ASTN2: variants seen among roughly 807,000 people sequenced by gnomAD.
The protein encoded by ASTN2 is astrotactin 2, also known as astrotactin-2.
Under a neutral mutation model 139.8 loss-of-function variants are expected in ASTN2, and 54 were observed. The observed-to-expected ratio is 0.39, with a 90% CI of 0.31 to 0.48. The LOEUF is 0.48. Ranked by LOEUF, ASTN2 falls within the 20% of genes least tolerant of loss-of-function variation. The pLI is 0.95. For missense variants in ASTN2, 1,565 were observed against 1,725.1 expected, an observed-to-expected ratio of 0.91 and a Z score of 1.64; for synonymous variants, 756 against 719.5, an observed-to-expected ratio of 1.05 and a Z score of -0.81.
Position 117,115,669 on chromosome 9 carries a change from G to A in ASTN2, c.1169-19518C>T, listed in dbSNP as rs180906842. Among the ~76,000 whole-genome samples, 16 of 152,184 alleles carry A rather than the reference G, an allele frequency of 1.1e-4. No homozygotes were observed. In the East Asian group the frequency reaches 1.4e-3, roughly 13 times the overall value. Reference sequence around the variant, plus strand: ...AAATATTGATTTGTTTACTCAACACGTTGTTTGAATGCCTACTACATATTA... The same window carrying A: ...AAATATTGATTTGTTTACTCAACACATTGTTTGAATGCCTACTACATATTA... On this transcript the variant is annotated intron_variant, in intron 4 of 22. Transcript: ENST00000313400.
At chr9:116,773,085 A>AAT (rs1554744485) in intron 13 of ASTN2, among the ~76,000 whole-genome samples, 1 of 143,558 alleles carries the variant, frequency 7.0e-6, no homozygotes, top group Non-Finnish European at 1.5e-5. Flanking sequence ...CCTCCATCCT[A>AAT]TTTTTTTTTT....
At chr9:117,098,744 G>A (rs535071966) in intron 4 of ASTN2, among the ~76,000 whole-genome samples, 2 of 151,030 alleles carry the variant, frequency 1.3e-5, no homozygotes, top group Non-Finnish European at 2.9e-5. Context: ...AAGCCAGTAG[G>A]GCTTTTAAAA....
chr9:117,140,455 G>T (rs77744288), intron 4 of ASTN2, among the ~76,000 whole-genome samples: 30 of 149,854 alleles, frequency 2.0e-4, no homozygotes, highest in Non-Finnish European at 4.2e-4. Context: ...TGAGTAGATA[G>T]AAAAAAAAAT....
intron 11 of ASTN2, among the ~76,000 whole-genome samples, chr9:116,861,036 A>G (rs1398099490): frequency 6.6e-6 from 1 of 152,132 alleles, no homozygotes; most frequent in African/African-American, 2.4e-5. Flanking sequence ...ACATCCATTG[A>G]ACCTTGAAGT....
At chr9:117,218,357 T>C (rs1832401965) in intron 2 of ASTN2, among the ~76,000 whole-genome samples, 1 of 152,222 alleles carries the variant, frequency 6.6e-6, no homozygotes, top group African/African-American at 2.4e-5. Context: ...GAACTCAGCT[T>C]CCATCACCTC....
chr9:116,867,745 T>C lies in ASTN2; in HGVS notation c.1890-4012A>G, dbSNP rs900725930. On this transcript the variant is annotated intron_variant, in intron 10 of 22. Transcript: ENST00000313400. ...TAAAAGGATTGATTCTGCATAAACA[T>C]CAGTTACATGAGGGGAACATTACTT... Among the ~76,000 whole-genome samples, 7 of 151,928 alleles carry C rather than the reference T, an allele frequency of 4.6e-5. No individual in the cohort carries two copies. In the East Asian group the frequency reaches 1.2e-3, roughly 25 times the overall value.
At chr9:117,124,354 A>G (rs925572963) in intron 4 of ASTN2, among the ~76,000 whole-genome samples, 5 of 152,144 alleles carry the variant, frequency 3.3e-5, no homozygotes, top group Non-Finnish European at 7.4e-5. Context: ...TGAGGGTTCA[A>G]GGTCACAGCC....
intron 3 of ASTN2, among the ~76,000 whole-genome samples, chr9:117,204,405 A>G (rs1469031718): frequency 6.6e-6 from 1 of 152,210 alleles, no homozygotes; most frequent in African/African-American, 2.4e-5. Flanking sequence ...TCACTTAGCC[A>G]ACAGGCATTT....
rs767937527 is a variant in ASTN2 at position 116,698,345 on chromosome 9, C to T, written c.2806+27426G>A. On this transcript the variant is annotated intron_variant, in intron 16 of 22. Transcript: ENST00000313400. The surrounding 1 kb of genome is among the most constrained non-coding windows in gnomAD (Gnocchi z 4.4). ...GCAGGGTCCAGGATGAGCTGGCTCG[C>T]TCTCGGAAGTTCTTCACAGGCTCTT... is the stretch of plus-strand genomic sequence containing the variant. The T allele has an allele frequency of 7.4e-6, 12 of 1,614,014 alleles. No individual in the cohort carries two copies. The Admixed American group carries it at 1.3e-4, about 18-fold the overall frequency.
At chr9:116,871,013 C>T (rs375808538) in intron 10 of ASTN2, among the ~76,000 whole-genome samples, 1 of 152,164 alleles carries the variant, frequency 6.6e-6, no homozygotes, top group African/African-American at 2.4e-5. Flanking sequence ...AATCCCAGCA[C>T]ATTGGGAGGC....
At chr9:116,926,578 T>C (rs773091569) in intron 10 of ASTN2, among the ~76,000 whole-genome samples, 3 of 152,226 alleles carry the variant, frequency 2.0e-5, no homozygotes, top group Non-Finnish European at 4.4e-5. Context: ...CCAATGCTCA[T>C]AATAATACAT....
intron 1 of ASTN2, 152 bp from the exon 2 acceptor site, chr9:117,291,665 C>A: frequency 1.6e-6 from 1 of 634,726 alleles, no homozygotes; most frequent in Non-Finnish European, 2.7e-6. Flanking sequence ...TAGGGATCAT[C>A]ACTTTCATTT....
chr9:117,338,316 T>C (rs557363890), intron 1 of ASTN2, among the ~76,000 whole-genome samples: 2 of 152,184 alleles, frequency 1.3e-5, no homozygotes, highest in South Asian at 4.2e-4. Flanking sequence ...ATCCCCCAAA[T>C]AAAGCATGCC....
At chr9:117,084,431 A>G (rs1256606004) in intron 5 of ASTN2, among the ~76,000 whole-genome samples, 1 of 152,216 alleles carries the variant, frequency 6.6e-6, no homozygotes, top group Non-Finnish European at 1.5e-5. Context: ...CTTAGGGGAC[A>G]GTTCTGGGGG....
At chr9:117,080,486 C>T (rs958119603) in intron 5 of ASTN2, among the ~76,000 whole-genome samples, 2 of 151,628 alleles carry the variant, frequency 1.3e-5, no homozygotes, top group Admixed American at 6.6e-5. Flanking sequence ...TAATATAATG[C>T]CGAGTGAAAA....
intron 20 of ASTN2, among the ~76,000 whole-genome samples, chr9:116,453,487 G>A (rs1344846093): frequency 6.7e-6 from 1 of 150,032 alleles, no homozygotes; most frequent in Non-Finnish European, 1.5e-5. Context: ...CCAGCTACTT[G>A]GGAGGCTGAG....
chr9:117,152,364 A>G (rs1588020758), intron 3 of ASTN2, among the ~76,000 whole-genome samples: 1 of 152,084 alleles, frequency 6.6e-6, no homozygotes, highest in Non-Finnish European at 1.5e-5. Context: ...AAATTTTACT[A>G]TCCTTCCTGG....
intron 7 of ASTN2, among the ~76,000 whole-genome samples, chr9:117,007,729 G>C (rs910574389): frequency 6.6e-6 from 1 of 152,140 alleles, no homozygotes; most frequent in Admixed American, 6.5e-5. Flanking sequence ...GTGGGTTGGT[G>C]CTATTTTCAT....
At chr9:116,931,786 A>T (rs1834905580) in intron 10 of ASTN2, among the ~76,000 whole-genome samples, 1 of 152,202 alleles carries the variant, frequency 6.6e-6, no homozygotes, top group South Asian at 2.1e-4. Context: ...TTGTGTAATT[A>T]TGAGGCATGG....
Sources: allele counts gnomAD v4.1 joint callset (sites outside exome capture counted in the v4.1 genomes callset), GRCh38; gene constraint gnomAD v4.1.1; non-coding constraint Gnocchi (gnomAD v3.1); transcripts MANE v1.5; gene names NCBI Gene and HGNC (gene_info 2026-07-23, HGNC 2026-07-21).